The following TSPAN11 variants were observed in gnomAD, a reference collection of about 807,000 sequenced individuals.
TSPAN11 encodes tetraspanin 11, also known as tetraspanin-11.
In TSPAN11, 29 loss-of-function variants were observed where a neutral mutation model predicts 32.9. The observed-to-expected ratio is 0.88, with a 90% confidence interval of 0.66 to 1.20. TSPAN11 has a LOEUF of 1.20. TSPAN11 is among the 50% of genes most tolerant of loss of function. TSPAN11 has a pLI of 0.00. For missense variants in TSPAN11, 283 were observed against 329.1 expected (o/e 0.86, Z 1.08); for synonymous variants, 140 against 141.3 (o/e 0.99, Z 0.07).
At chr12:31,007,512 C>T in the TSPAN11 span, among the ~76,000 whole-genome samples, 1 of 152,080 alleles carries the variant, frequency 6.6e-6, no homozygotes, top group African/African-American at 2.4e-5. Context: ...CTATTTTGGT[C>T]ACCACTGCCT....
chr12:30,936,293 G>C (rs1938043805), intron 1 of TSPAN11, among the ~76,000 whole-genome samples: 1 of 152,136 alleles, frequency 6.6e-6, no homozygotes, highest in Admixed American at 6.5e-5. Flanking sequence ...TGATATTAAT[G>C]TGTCTGTCTT....
chr12:31,006,628 G>A, the TSPAN11 span, among the ~76,000 whole-genome samples: 3 of 152,202 alleles, frequency 2.0e-5, no homozygotes. Flanking sequence ...GAGGGAGAAG[G>A]TGCAGGCCCC....
At position 30,974,016 on chromosome 12, in the gene TSPAN11, C is replaced by T. The variant is rs577169076; in HGVS notation, c.277-4545C>T. Among the ~76,000 whole-genome samples, 225 of 152,290 alleles carry T rather than the reference C, an allele frequency of 1.5e-3. 1 individual carries two copies. In the South Asian group the frequency reaches 0.018, roughly 12 times the overall value. ...GAATTCCCTCATGGAATTCCAGCCCCGGGGTCCCATGGGGATGTGAGCTGA... is the reference window on the plus strand; with the variant it reads ...GAATTCCCTCATGGAATTCCAGCCCTGGGGTCCCATGGGGATGTGAGCTGA... On this transcript the variant is annotated intron_variant, in intron 3 of 7. Transcript: ENST00000546076.
chr12:30,997,749 T>A (rs964624630), downstream of TSPAN11, among the ~76,000 whole-genome samples: 6 of 152,134 alleles, frequency 3.9e-5, no homozygotes, highest in African/African-American at 1.4e-4. Context: ...TAGTCTGGGC[T>A]CAGGGGGATC....
chr12:30,941,868 AG>A (rs1296491092), intron 1 of TSPAN11, among the ~76,000 whole-genome samples: 4 of 152,224 alleles, frequency 2.6e-5, no homozygotes, highest in Non-Finnish European at 5.9e-5. Context: ...ACAGAGATGA[AG>A]GGCTTCTCTC....
rs146967737 is a variant in TSPAN11, at chr12:30,958,695, A to T, written c.84+4620A>T. Among the ~76,000 whole-genome samples the T allele has an allele frequency of 8.4e-4, 128 of 151,956 alleles. 1 individual carries two copies. The highest frequency in any genetic ancestry group is 3.0e-3 in the African/African-American group (124 of 41,432). The stretch of plus-strand genomic sequence containing the variant: ...TTTGCTCCCCAAACTAGACCCATTC[A>T]CTTCTCCGTCATAGCAGAAGTCACT... On this transcript the variant is annotated intron_variant, in intron 2 of 7. Coordinates refer to ENST00000546076, the MANE Select transcript of TSPAN11 (RefSeq NM_001370302.1).
the TSPAN11 span, among the ~76,000 whole-genome samples, chr12:31,005,577 G>A: frequency 3.3e-5 from 5 of 152,198 alleles, no homozygotes; most frequent in African/African-American, 1.2e-4. Flanking sequence ...CCGTGCCCCA[G>A]GTCTCCCTGT....
chr12:31,013,019 G>GAGT, the TSPAN11 span, among the ~76,000 whole-genome samples: 9 of 152,262 alleles, frequency 5.9e-5, no homozygotes, highest in African/African-American at 1.9e-4. Flanking sequence ...CTAAGCAAGG[G>GAGT]AGTAGCAAGC....
chr12:30,947,622 T>C (rs1298677409), intron 1 of TSPAN11, among the ~76,000 whole-genome samples: 1 of 152,180 alleles, frequency 6.6e-6, no homozygotes, highest in Non-Finnish European at 1.5e-5. Context: ...TGAGACTTAT[T>C]CACTGTCACG....
At chr12:30,969,149 G>C (rs74086340) in intron 3 of TSPAN11, among the ~76,000 whole-genome samples, 2,935 of 152,284 alleles carry the variant, frequency 0.019, 63 homozygotes, top group East Asian at 0.077. Flanking sequence ...TATTCTGAGG[G>C]CCATGGCTCC....
intron 7 of TSPAN11, among the ~76,000 whole-genome samples, chr12:30,990,189 G>T (rs945520813): frequency 6.6e-5 from 10 of 152,120 alleles, no homozygotes; most frequent in Admixed American, 5.2e-4. Context: ...CAGTGATGAG[G>T]GTCTGGCCCA....
chr12:30,956,154 G>A (rs1294873829), intron 2 of TSPAN11, among the ~76,000 whole-genome samples: 1 of 152,202 alleles, frequency 6.6e-6, no homozygotes, highest in East Asian at 1.9e-4. Context: ...AAAGGCATCT[G>A]GGACATGTGG....
chr12:31,009,321 G>A, the TSPAN11 span, among the ~76,000 whole-genome samples: 2 of 152,190 alleles, frequency 1.3e-5, no homozygotes, highest in Non-Finnish European at 2.9e-5. Flanking sequence ...CTCTGCAGTG[G>A]CTGCAACTGT....
chr12:31,009,304 C>T, the TSPAN11 span, among the ~76,000 whole-genome samples: 1 of 152,190 alleles, frequency 6.6e-6, no homozygotes, highest in Admixed American at 6.5e-5. Context: ...CTGCCGACCC[C>T]CTATTGCTCT....
chr12:30,938,764 C>G (rs971879669), intron 1 of TSPAN11, among the ~76,000 whole-genome samples: 2 of 152,186 alleles, frequency 1.3e-5, no homozygotes, highest in Non-Finnish European at 2.9e-5. Flanking sequence ...CGGGAAGCAT[C>G]TCAGTGCTCC....
chr12:31,013,623 AACG>A, the TSPAN11 span, among the ~76,000 whole-genome samples: 1 of 150,932 alleles, frequency 6.6e-6, no homozygotes, highest in African/African-American at 2.4e-5. Flanking sequence ...AACAAAACAA[AACG>A]AGGGAGCATC....
At chr12:30,989,034 A>C (rs1383964561) in intron 7 of TSPAN11, among the ~76,000 whole-genome samples, 1 of 152,322 alleles carries the variant, frequency 6.6e-6, no homozygotes, top group East Asian at 1.9e-4. Context: ...GCCTCCGCCC[A>C]GGGGGCCGGC....
At chr12:30,970,444 C>A (rs1313145078) in intron 3 of TSPAN11, among the ~76,000 whole-genome samples, 1 of 152,202 alleles carries the variant, frequency 6.6e-6, no homozygotes, top group Non-Finnish European at 1.5e-5. Context: ...AGACCCCCAA[C>A]ATTTGGGCTG....
the TSPAN11 span, among the ~76,000 whole-genome samples, chr12:31,007,745 G>A: frequency 6.6e-6 from 1 of 152,130 alleles, no homozygotes; most frequent in Admixed American, 6.5e-5. Flanking sequence ...TTTGTTTAAG[G>A]CTTTAATTTC....
Sources: allele counts gnomAD v4.1 joint callset (sites outside exome capture counted in the v4.1 genomes callset), GRCh38; gene constraint gnomAD v4.1.1; transcripts MANE v1.5; gene names NCBI Gene and HGNC (gene_info 2026-07-23, HGNC 2026-07-21).